PRR16: variants seen among roughly 807,000 people sequenced by gnomAD.
PRR16 encodes the protein proline rich 16.
Under a neutral mutation model 18.2 loss-of-function variants are expected in PRR16, and 6 were observed. That is an observed-to-expected ratio of 0.33 (90% CI 0.18 to 0.65). The LOEUF (loss-of-function observed/expected upper bound fraction) is 0.65. Among genes scored for constraint, PRR16 ranks in the 30% least tolerant of loss-of-function variants. PRR16 has a pLI of 0.74. For synonymous variants in PRR16, 151 were observed against 147.8 expected (o/e 1.02, Z -0.16); for missense variants, 412 against 376.6 (o/e 1.09, Z -0.78).
At chr5:120,546,964 A>T (rs1329620650) in intron 1 of PRR16, among the ~76,000 whole-genome samples, 1 of 152,130 alleles carries the variant, frequency 6.6e-6, no homozygotes, top group Non-Finnish European at 1.5e-5. Context: ...TTACATGCCA[A>T]TTAAGAGAAG....
At chr5:120,628,314 A>T (rs771556941) in intron 1 of PRR16, among the ~76,000 whole-genome samples, 10 of 152,072 alleles carry the variant, frequency 6.6e-5, no homozygotes, top group Admixed American at 3.3e-4. Flanking sequence ...TTTGTTTTTA[A>T]GACAGTTGTT....
the PRR16 span, among the ~76,000 whole-genome samples, chr5:120,786,129 A>T: frequency 4.2e-5 from 6 of 143,162 alleles, no homozygotes; most frequent in African/African-American, 1.5e-4. Context: ...CATACCTGTT[A>T]TGTTGAATTT....
chr5:120,548,617 T>C (rs1220489125), intron 1 of PRR16, among the ~76,000 whole-genome samples: 2 of 152,074 alleles, frequency 1.3e-5, no homozygotes, highest in South Asian at 2.1e-4. Flanking sequence ...GGGTCAGATG[T>C]TACTATTAGC....
At chr5:120,784,645 T>C in the PRR16 span, among the ~76,000 whole-genome samples, 3 of 152,176 alleles carry the variant, frequency 2.0e-5, no homozygotes, top group African/African-American at 7.2e-5. Flanking sequence ...GGAGTAGACA[T>C]TTCTCAAAGA....
chr5:120,726,757 A>C, the PRR16 span, among the ~76,000 whole-genome samples: 1 of 151,852 alleles, frequency 6.6e-6, no homozygotes, highest in East Asian at 1.9e-4. Flanking sequence ...TGACATGTCC[A>C]CTCTTGATGG....
At chr5:120,491,526 T>G (rs1217003650) in intron 1 of PRR16, among the ~76,000 whole-genome samples, 1 of 151,328 alleles carries the variant, frequency 6.6e-6, no homozygotes, top group African/African-American at 2.4e-5. Context: ...TTTCTGTCTC[T>G]CTTTTTCTCT....
At chr5:120,636,746 C>A (rs1277004657) in intron 1 of PRR16, among the ~76,000 whole-genome samples, 1 of 151,818 alleles carries the variant, frequency 6.6e-6, no homozygotes, top group Non-Finnish European at 1.5e-5. Flanking sequence ...ATCAAGAACC[C>A]AAAAGGAAAT....
intron 1 of PRR16, among the ~76,000 whole-genome samples, chr5:120,640,376 T>C (rs1302924755): frequency 6.6e-6 from 1 of 152,096 alleles, no homozygotes; most frequent in African/African-American, 2.4e-5. Flanking sequence ...AATACTACAA[T>C]GAATTTTATA....
At chr5:120,763,844 G>A in the PRR16 span, among the ~76,000 whole-genome samples, 31 of 151,754 alleles carry the variant, frequency 2.0e-4, no homozygotes, top group Admixed American at 7.2e-4. Flanking sequence ...TGGGTTCTTC[G>A]TTTCTTTTTC....
chr5:120,557,142 GA>G (rs1385121984), intron 1 of PRR16, among the ~76,000 whole-genome samples: 1 of 151,846 alleles, frequency 6.6e-6, no homozygotes, highest in Non-Finnish European at 1.5e-5. Context: ...TGTTGTTTAT[GA>G]AGAGGGGGAA....
chr5:120,604,370 AG>A (rs755897845), intron 1 of PRR16, among the ~76,000 whole-genome samples: 9 of 151,710 alleles, frequency 5.9e-5, no homozygotes, highest in Non-Finnish European at 8.8e-5. Flanking sequence ...AGGAATAGCA[AG>A]CCCTGTCCTT....
chr5:120,763,824 T>C, the PRR16 span, among the ~76,000 whole-genome samples: 2 of 152,102 alleles, frequency 1.3e-5, no homozygotes, highest in Non-Finnish European at 2.9e-5. Flanking sequence ...GTAACTATTA[T>C]AAATAGAATT....
At chr5:120,709,639 T>A in the PRR16 span, among the ~76,000 whole-genome samples, 1 of 152,156 alleles carries the variant, frequency 6.6e-6, no homozygotes, top group Non-Finnish European at 1.5e-5. Context: ...CTCCCTACTC[T>A]TTATTACCCT....
At chr5:120,693,019 A>G in the PRR16 span, among the ~76,000 whole-genome samples, 1 of 152,218 alleles carries the variant, frequency 6.6e-6, no homozygotes, top group African/African-American at 2.4e-5. Flanking sequence ...AATATTACAT[A>G]AACCTAAATT....
At chr5:120,794,104 C>T in the PRR16 span, among the ~76,000 whole-genome samples, 1 of 152,090 alleles carries the variant, frequency 6.6e-6, no homozygotes, top group Non-Finnish European at 1.5e-5. Context: ...CTCCCACCAC[C>T]AAGTCCACTA....
chr5:120,559,949 T>C (rs1752525113), intron 1 of PRR16, among the ~76,000 whole-genome samples: 1 of 151,968 alleles, frequency 6.6e-6, no homozygotes, highest in Non-Finnish European at 1.5e-5. Flanking sequence ...TGTTTGGTAT[T>C]GGCATATAGA....
At chr5:120,765,062 G>GCCCAGCCTCCCCC in the PRR16 span, among the ~76,000 whole-genome samples, 1 of 151,882 alleles carries the variant, frequency 6.6e-6, no homozygotes, top group Non-Finnish European at 1.5e-5. Context: ...TCTGTCTTTT[G>GCCCAGCCTCCCCC]AAACCTGACA....
intron 1 of PRR16, among the ~76,000 whole-genome samples, chr5:120,661,103 C>T (rs923750240): frequency 1.3e-5 from 2 of 152,106 alleles, no homozygotes; most frequent in African/African-American, 2.4e-5. Context: ...AATGTTGCTA[C>T]AGTCTCTTTA....
the PRR16 span, among the ~76,000 whole-genome samples, chr5:120,774,404 CTT>C: frequency 7.2e-5 from 11 of 152,030 alleles, no homozygotes; most frequent in Non-Finnish European, 1.3e-4. Context: ...TAATACCTAA[CTT>C]GATTTCTTAT....
Sources: allele counts gnomAD v4.1 joint callset (sites outside exome capture counted in the v4.1 genomes callset), GRCh38; gene constraint gnomAD v4.1.1; transcripts MANE v1.5; gene names NCBI Gene and HGNC (gene_info 2026-07-23, HGNC 2026-07-21).